The following PLCL2 variants were observed in gnomAD, a reference collection of about 807,000 sequenced individuals.
PLCL2 encodes inactive phospholipase C-like protein 2.
Under a neutral mutation model 79.6 loss-of-function variants are expected in PLCL2, and 4 were observed. The observed-to-expected ratio is 0.05, with a 90% CI of 0.02 to 0.11. The LOEUF (loss-of-function observed/expected upper bound fraction) is 0.11. PLCL2 is among the 10% of genes least tolerant of loss of function. The pLI, the probability that PLCL2 is intolerant of heterozygous loss-of-function variation, is 1.00. For missense variants in PLCL2, 895 were observed against 1,291.0 expected (o/e 0.69, Z 4.70); for synonymous variants, 484 against 457.7 (o/e 1.06, Z -0.73).
intron 5 of PLCL2, among the ~76,000 whole-genome samples, chr3:17,086,902 A>G (rs182507426): frequency 1.3e-5 from 2 of 152,396 alleles, no homozygotes; most frequent in African/African-American, 4.8e-5. Flanking sequence ...TGGAAAGTAT[A>G]TTAGCATCAC....
At chr3:17,027,544 A>G (rs2064530779) in intron 3 of PLCL2, among the ~76,000 whole-genome samples, 1 of 152,224 alleles carries the variant, frequency 6.6e-6, no homozygotes, top group East Asian at 1.9e-4. Flanking sequence ...CCAAAAGTGG[A>G]TTGGGTAAAA....
chr3:17,088,893 A>G (rs1428380862), intron 5 of PLCL2, among the ~76,000 whole-genome samples: 4 of 152,220 alleles, frequency 2.6e-5, no homozygotes. Context: ...ATATCATGTT[A>G]TACTGCATAT....
intron 4 of PLCL2, among the ~76,000 whole-genome samples, chr3:17,043,640 T>G (rs1407080582): frequency 6.6e-6 from 1 of 151,968 alleles, no homozygotes; most frequent in East Asian, 1.9e-4. Context: ...AAAAAAAAAT[T>G]GTCCTGACTT....
intron 5 of PLCL2, among the ~76,000 whole-genome samples, chr3:17,081,998 C>T (rs555560448): frequency 6.6e-6 from 1 of 152,296 alleles, no homozygotes; most frequent in Non-Finnish European, 1.5e-5. Flanking sequence ...ATTGCAAAGC[C>T]AGCTTTGTGG....
chr3:16,962,418 G>C (rs916754974), intron 1 of PLCL2, among the ~76,000 whole-genome samples: 1 of 132,196 alleles, frequency 7.6e-6, no homozygotes. Context: ...TCATCCAGGA[G>C]CTTTCTTTTT....
At chr3:16,956,248 A>G (rs976025847) in intron 1 of PLCL2, among the ~76,000 whole-genome samples, 2 of 152,162 alleles carry the variant, frequency 1.3e-5, no homozygotes, top group African/African-American at 4.8e-5. Flanking sequence ...AGGGCTGTTG[A>G]ATTTTGTCAA....
intron 1 of PLCL2, among the ~76,000 whole-genome samples, chr3:17,004,122 T>C (rs1172725700): frequency 6.6e-6 from 1 of 152,168 alleles, no homozygotes; most frequent in Non-Finnish European, 1.5e-5. Flanking sequence ...GTGTCACTCT[T>C]TGAAATTCCG....
rs550925952 is a variant in PLCL2 at position 16,896,029 on chromosome 3, G to C, written c.327+10663G>C. Among the ~76,000 whole-genome samples, 114 of 152,172 alleles carry C rather than the reference G, an allele frequency of 7.5e-4. 1 individual carries two copies. The highest frequency in any genetic ancestry group is 3.6e-3 in the Admixed American group (55 of 15,298). ...CATCTGGTTGGTGATTCCAAATGTG[G>C]GTTTACTTTGTAAAAATCCATTAGG... is the stretch of plus-strand genomic sequence containing the variant. On this transcript the variant is annotated intron_variant, in intron 1 of 5. Coordinates refer to ENST00000615277, the MANE Select transcript of PLCL2 (RefSeq NM_001144382.2).
chr3:17,051,200 A>G (rs1445697022), intron 4 of PLCL2, among the ~76,000 whole-genome samples: 7 of 152,222 alleles, frequency 4.6e-5, no homozygotes, highest in Non-Finnish European at 1.0e-4. Context: ...TGCGTACCAA[A>G]AAATAAAAGT....
intron 1 of PLCL2, among the ~76,000 whole-genome samples, chr3:16,965,653 G>C (rs1246988930): frequency 6.6e-6 from 1 of 152,098 alleles, no homozygotes; most frequent in Non-Finnish European, 1.5e-5. Context: ...CTATCCATGA[G>C]CATGGAATGT....
chr3:16,979,814 G>A (rs1470380134), intron 1 of PLCL2, among the ~76,000 whole-genome samples: 20 of 148,212 alleles, frequency 1.3e-4, no homozygotes, highest in African/African-American at 4.7e-4. Context: ...CCACAAAACC[G>A]CCATTGTCAT....
rs576620417 is a variant in PLCL2, at chr3:17,000,322, T to C, written c.328-9352T>C. On this transcript the variant is annotated intron_variant, in intron 1 of 5. Transcript: ENST00000615277. The stretch of plus-strand genomic sequence containing the variant: ...ATTATCTTGTATTTTTTTCAATTGA[T>C]ACATTATTATTATATATATTTGTGG... 9.5e-4 allele frequency among the ~76,000 whole-genome samples: 144 copies of C among 152,252 alleles called. 2 individuals are homozygous for C. The highest frequency in any genetic ancestry group is 3.3e-3 in the African/African-American group (138 of 41,566).
rs146328095 is a variant in PLCL2, at chr3:16,999,485, C to T, written c.328-10189C>T. The stretch of plus-strand genomic sequence containing the variant: ...AATGTACAGTGTACCAAATTCCAGG[C>T]AGTGTTTAGAGCAGTTTTCAAATAT... On this transcript the variant is annotated intron_variant, in intron 1 of 5. Coordinates refer to ENST00000615277, the MANE Select transcript of PLCL2 (RefSeq NM_001144382.2). Among the ~76,000 whole-genome samples, 29 of 152,250 alleles carry T rather than the reference C, an allele frequency of 1.9e-4. No homozygotes were observed. In the East Asian group the frequency reaches 5.6e-3, roughly 29 times the overall value.
intron 4 of PLCL2, among the ~76,000 whole-genome samples, chr3:17,050,153 CT>C (rs1559532042): frequency 6.6e-6 from 1 of 152,090 alleles, no homozygotes; most frequent in African/African-American, 2.4e-5. Flanking sequence ...AACTGGACCC[CT>C]ATCTCTCTCC....
intron 1 of PLCL2, among the ~76,000 whole-genome samples, chr3:16,979,360 A>T (rs78277999): frequency 2.9e-5 from 4 of 139,362 alleles, no homozygotes; most frequent in Admixed American, 7.1e-5. Flanking sequence ...TTTTTTTTTT[A>T]ATCATTCTTG....
intron 1 of PLCL2, among the ~76,000 whole-genome samples, chr3:16,964,926 T>C (rs2063791034): frequency 6.6e-6 from 1 of 152,182 alleles, no homozygotes; most frequent in South Asian, 2.1e-4. Flanking sequence ...ATTAGCCCTT[T>C]GTCAGATAAG....
At chr3:16,913,951 T>TA (rs1170533674) in intron 1 of PLCL2, among the ~76,000 whole-genome samples, 2 of 152,256 alleles carry the variant, frequency 1.3e-5, no homozygotes, top group Non-Finnish European at 2.9e-5. Flanking sequence ...GTGTTTCTTT[T>TA]AAAAATGTTT....
intron 3 of PLCL2, among the ~76,000 whole-genome samples, chr3:17,023,285 A>C (rs1372603115): frequency 6.6e-6 from 1 of 152,132 alleles, no homozygotes; most frequent in African/African-American, 2.4e-5. Flanking sequence ...ATTTGGAAGG[A>C]AGTCTCCTCC....
At chr3:16,972,065 C>A (rs1377118732) in intron 1 of PLCL2, among the ~76,000 whole-genome samples, 6 of 151,962 alleles carry the variant, frequency 3.9e-5, no homozygotes, top group African/African-American at 1.5e-4. Flanking sequence ...ATACCCACAG[C>A]CAGTATCATA....
Sources: gnomAD v4.1 joint callset for allele counts (sites outside exome capture counted in the v4.1 genomes callset) on GRCh38, gnomAD v4.1.1 for gene constraint, MANE v1.5 for transcripts, NCBI Gene and HGNC (gene_info 2026-07-23, HGNC 2026-07-21) for gene names.